Variants in SPAG16 observed in about 807,000 individuals in gnomAD.
SPAG16 encodes the protein sperm associated antigen 16, also known as sperm-associated antigen 16 protein.
SPAG16 carries 86 observed loss-of-function variants against 80.4 expected under a neutral mutation model. The ratio of observed to expected loss-of-function variants is 1.07; its 90% CI spans 0.90 to 1.28. The LOEUF is 1.28. Ranked by LOEUF, SPAG16 falls within the 50% of genes most tolerant of loss-of-function variation. SPAG16 has a pLI of 0.00. For missense variants in SPAG16, 870 were observed against 765.3 expected, an observed-to-expected ratio of 1.14 and a Z score of -1.61; for synonymous variants, 294 against 265.9, an observed-to-expected ratio of 1.11 and a Z score of -1.03.
At chr2:214,097,063 C>A (rs560969138) in intron 13 of SPAG16, among the ~76,000 whole-genome samples, 1 of 151,944 alleles carries the variant, frequency 6.6e-6, no homozygotes, top group Non-Finnish European at 1.5e-5. Context: ...AAATGTTTTA[C>A]CTTGTTCAAA....
chr2:213,976,305 T>C (rs779775144), intron 12 of SPAG16, among the ~76,000 whole-genome samples: 6 of 150,700 alleles, frequency 4.0e-5, no homozygotes, highest in African/African-American at 7.3e-5. Flanking sequence ...TGCATACACA[T>C]GTGTGCGCAT....
chr2:213,284,814 C>T (rs1037524571), intron 1 of SPAG16, 195 bp downstream of exon 1: 5 of 737,684 alleles, frequency 6.8e-6, no homozygotes, highest in African/African-American at 3.6e-5. Context: ...CCCTTAGTAG[C>T]CCAGGGTGTC....
intron 14 of SPAG16, among the ~76,000 whole-genome samples, chr2:214,125,442 G>A (rs985381963): frequency 6.6e-6 from 1 of 151,522 alleles, no homozygotes; most frequent in African/African-American, 2.4e-5. Flanking sequence ...GTGTGAGGTT[G>A]TAACTTCGCC....
At chr2:214,176,002 A>T (rs940007035) in intron 15 of SPAG16, among the ~76,000 whole-genome samples, 1 of 151,532 alleles carries the variant, frequency 6.6e-6, no homozygotes, top group African/African-American at 2.4e-5. Context: ...AATATCCCAT[A>T]ATAAAAACAT....
intron 8 of SPAG16, among the ~76,000 whole-genome samples, chr2:213,371,380 CA>C (rs2066621425): frequency 8.9e-6 from 1 of 111,954 alleles, no homozygotes; most frequent in Non-Finnish European, 1.7e-5. Context: ...CCTGGCAACA[CA>C]GCAAGACCGT....
At chr2:213,982,929 A>G (rs918827509) in intron 12 of SPAG16, among the ~76,000 whole-genome samples, 3 of 152,028 alleles carry the variant, frequency 2.0e-5, no homozygotes, top group African/African-American at 4.8e-5. Context: ...AAATGTTACA[A>G]TTACTATAAT....
intron 13 of SPAG16, among the ~76,000 whole-genome samples, chr2:214,057,210 C>G (rs1377311429): frequency 6.7e-6 from 1 of 149,080 alleles, no homozygotes; most frequent in Non-Finnish European, 1.5e-5. Flanking sequence ...TTTTCAAGAT[C>G]CATCAGAGGA....
At chr2:214,043,051 G>A (rs1175831307) in intron 13 of SPAG16, among the ~76,000 whole-genome samples, 1 of 151,926 alleles carries the variant, frequency 6.6e-6, no homozygotes, top group African/African-American at 2.4e-5. Context: ...AAAAACTCAT[G>A]CAAAGTAGAG....
intron 10 of SPAG16, among the ~76,000 whole-genome samples, chr2:213,736,363 G>T (rs1423097443): frequency 6.6e-6 from 1 of 151,458 alleles, no homozygotes; most frequent in African/African-American, 2.4e-5. Context: ...GTGTGATCTC[G>T]GCTCACTGTA....
intron 9 of SPAG16, among the ~76,000 whole-genome samples, chr2:213,406,393 T>C (rs988300226): frequency 6.6e-6 from 1 of 152,240 alleles, no homozygotes; most frequent in Non-Finnish European, 1.5e-5. Flanking sequence ...TTTCACTTGA[T>C]TCTAAATTGC....
At chr2:213,757,146 G>T (rs1199384032) in intron 10 of SPAG16, among the ~76,000 whole-genome samples, 1 of 151,968 alleles carries the variant, frequency 6.6e-6, no homozygotes, top group Non-Finnish European at 1.5e-5. Flanking sequence ...AAAATACATA[G>T]AAATATAAAC....
At chr2:214,249,562 CAAAT>C (rs1337628741) in intron 15 of SPAG16, among the ~76,000 whole-genome samples, 4 of 152,154 alleles carry the variant, frequency 2.6e-5, no homozygotes, top group South Asian at 4.1e-4. Flanking sequence ...CTGTAAAAAA[CAAAT>C]TATTTTTATA....
At chr2:213,432,229 A>G (rs1215761768) in intron 9 of SPAG16, among the ~76,000 whole-genome samples, 4 of 152,142 alleles carry the variant, frequency 2.6e-5, no homozygotes, top group African/African-American at 9.7e-5. Flanking sequence ...AGAAGAAAGG[A>G]CAAAGATCAG....
chr2:214,169,513 G>A (rs1053033531), intron 15 of SPAG16, among the ~76,000 whole-genome samples: 5 of 151,898 alleles, frequency 3.3e-5, no homozygotes, highest in East Asian at 3.9e-4. Context: ...TTTGAGCTCC[G>A]AGCACTTTGA....
chr2:214,399,101 A>C (rs979507161), intron 15 of SPAG16, among the ~76,000 whole-genome samples: 1 of 152,172 alleles, frequency 6.6e-6, no homozygotes, highest in Non-Finnish European at 1.5e-5. Flanking sequence ...TTACTCAGGT[A>C]ATATATAGTG....
chr2:213,632,990 G>A (rs2062213755), intron 10 of SPAG16, among the ~76,000 whole-genome samples: 1 of 152,122 alleles, frequency 6.6e-6, no homozygotes, highest in African/African-American at 2.4e-5. Flanking sequence ...CCTTGTAGAA[G>A]GAGTTTGGAA....
At chr2:213,703,108 C>G (rs2065568301) in intron 10 of SPAG16, among the ~76,000 whole-genome samples, 1 of 152,174 alleles carries the variant, frequency 6.6e-6, no homozygotes, top group African/African-American at 2.4e-5. Flanking sequence ...CTTTTTCCCT[C>G]TCCTGTGATA....
chr2:214,065,525 A>C (rs1197074264), intron 13 of SPAG16, among the ~76,000 whole-genome samples: 2 of 152,168 alleles, frequency 1.3e-5, no homozygotes, highest in Non-Finnish European at 2.9e-5. Flanking sequence ...GGGTGTTAGT[A>C]TTTGAGAATG....
chr2:214,122,400 A>G (rs2054264883), intron 14 of SPAG16, among the ~76,000 whole-genome samples: 1 of 151,894 alleles, frequency 6.6e-6, no homozygotes, highest in African/African-American at 2.4e-5. Context: ...ACATAAATGC[A>G]TCAATTCACA....
Sources: gnomAD v4.1 joint callset for allele counts (sites outside exome capture counted in the v4.1 genomes callset) on GRCh38, gnomAD v4.1.1 for gene constraint, MANE v1.5 for transcripts, NCBI Gene and HGNC (gene_info 2026-07-23, HGNC 2026-07-21) for gene names.